Variants in CSMD1 observed in about 807,000 individuals in gnomAD.
CSMD1 encodes CUB and Sushi multiple domains 1.
CSMD1 carries 213 observed loss-of-function variants against 417.5 expected under a neutral mutation model. That is an observed-to-expected ratio of 0.51 (90% CI 0.46 to 0.57). The LOEUF (loss-of-function observed/expected upper bound fraction) is 0.57, where lower values mean the gene tolerates loss of function less well. Ranked by LOEUF, CSMD1 falls within the 20% of genes least tolerant of loss-of-function variation. CSMD1 has a pLI of 0.00. For missense variants in CSMD1, 6,923 were observed against 4,529.7 expected, an observed-to-expected ratio of 1.53 and a Z score of -15.17; for synonymous variants, 2,862 against 1,736.8, an observed-to-expected ratio of 1.65 and a Z score of -16.11.
intron 26 of CSMD1, among the ~76,000 whole-genome samples, chr8:3,243,156 A>G (rs1039805225): frequency 1.3e-5 from 2 of 152,142 alleles, no homozygotes; most frequent in Non-Finnish European, 2.9e-5. Flanking sequence ...TGGAGAAGAG[A>G]GTAAGAGGCC....
intron 26 of CSMD1, among the ~76,000 whole-genome samples, chr8:3,281,870 C>G (rs536780880): frequency 1.0e-3 from 156 of 152,236 alleles, no homozygotes; most frequent in African/African-American, 3.7e-3. Flanking sequence ...GGGGTAGTTT[C>G]TAATGGTTTA....
In CSMD1 at chr8:3,142,480, T is replaced by C; in HGVS notation, c.6226A>G (p.Lys2076Glu). The C allele has an allele frequency of 6.2e-7, 1 of 1,613,716 alleles. No individual in the cohort carries two copies. Among genetic ancestry groups the C allele is most frequent in the Non-Finnish European group, 8.5e-7 (1 of 1,179,680 alleles). ...SDHSQNRQGF[K>E]LAYQAYELQN... ...TGTTCCATACCTTGGTAAGCAAGTTTAAATCCTTGCCGGTTTTGCGAATGG... is the reference window on the plus strand; with the variant it reads ...TGTTCCATACCTTGGTAAGCAAGTTCAAATCCTTGCCGGTTTTGCGAATGG... Residue 2076 changes from lysine to glutamate, a missense_variant, in exon 41 of 70, where the codon AAA becomes GAA. Transcript: ENST00000635120.
At chr8:3,516,814 C>A (rs188010456) in intron 10 of CSMD1, among the ~76,000 whole-genome samples, 1 of 152,074 alleles carries the variant, frequency 6.6e-6, no homozygotes, top group Admixed American at 6.6e-5. Flanking sequence ...CCAACAATCC[C>A]ATCGCTGAGT....
In CSMD1 at chr8:3,753,938, T is replaced by A. The variant is rs1465721830; in HGVS notation, c.923A>T (p.Gln308Leu). Residue 308 changes from glutamine (Q) to leucine (L), a missense_variant, in exon 6 of 70, where the codon CAG becomes CTG. Physicochemically the swap from Gln to Leu is moderately radical, Grantham distance 113 (BLOSUM62 -2). Coordinates refer to ENST00000635120, the MANE Select transcript of CSMD1 (RefSeq NM_033225.6). ...AGATGGAGCATCCTTACCTTGGAAC[T>A]GAGCGTTAAATCCTTTGCGTCGGTG... is the stretch of plus-strand genomic sequence containing the variant. ...SNHRRKGFNA[Q>L]FQVKKAIELK... The A allele has an allele frequency of 5.6e-6, 9 of 1,608,264 alleles. No homozygotes were observed. The highest frequency in any genetic ancestry group is 6.8e-6 in the Non-Finnish European group (8 of 1,175,214).
Position 4,266,386 on chromosome 8 carries a change from A to G in CSMD1, c.415+153567T>C, listed in dbSNP as rs1183291011. Among the ~76,000 whole-genome samples the G allele has an allele frequency of 6.6e-5, 7 of 105,612 alleles. 1 individual carries two copies. The highest frequency in any genetic ancestry group is 1.3e-4 in the Non-Finnish European group (5 of 39,266). The allele number at this position is 105,612 out of a possible 152,430, so 69.3% of individuals were successfully genotyped here. On this transcript the variant is annotated intron_variant, in intron 3 of 69. Transcript: ENST00000635120. ...TATTTTCAAGAATATATTTGAAAAT[A>G]TTAATATAGTTCATTTTATGTGTAA...
intron 1 of CSMD1, among the ~76,000 whole-genome samples, chr8:4,782,862 A>G (rs1284672953): frequency 1.3e-5 from 2 of 152,098 alleles, no homozygotes; most frequent in Non-Finnish European, 2.9e-5. Context: ...TTTTCAATAA[A>G]TGCTAAAAGC....
chr8:3,447,787 G>C (rs1815394224), intron 12 of CSMD1, among the ~76,000 whole-genome samples: 1 of 152,206 alleles, frequency 6.6e-6, no homozygotes, highest in South Asian at 2.1e-4. Flanking sequence ...GCAGTGGATG[G>C]AGGGTGCAGA....
chr8:3,395,149 G>A (rs1320767255), intron 17 of CSMD1, among the ~76,000 whole-genome samples: 2 of 152,132 alleles, frequency 1.3e-5, no homozygotes, highest in Admixed American at 6.6e-5. Flanking sequence ...TAGTAGACAT[G>A]ATTCTATGCA....
At chr8:4,792,438 A>C (rs1797742899) in intron 1 of CSMD1, among the ~76,000 whole-genome samples, 1 of 152,210 alleles carries the variant, frequency 6.6e-6, no homozygotes, top group Non-Finnish European at 1.5e-5. Flanking sequence ...ACAGCCAATC[A>C]GTCTATCTTT....
intron 23 of CSMD1, among the ~76,000 whole-genome samples, chr8:3,334,227 T>C (rs1239918702): frequency 1.3e-5 from 2 of 152,216 alleles, no homozygotes; most frequent in Non-Finnish European, 1.5e-5. Flanking sequence ...CAACGCATAA[T>C]TTCAGGGACT....
chr8:2,957,669 G>C, intron 63 of CSMD1, 27 bp downstream of exon 63: 2 of 1,363,548 alleles, frequency 1.5e-6, no homozygotes, highest in African/African-American at 1.4e-5. Flanking sequence ...GGTGACTTGT[G>C]ATGGGGGTGG....
chr8:4,464,975 G>A (rs1056755996), intron 2 of CSMD1, among the ~76,000 whole-genome samples: 1 of 152,100 alleles, frequency 6.6e-6, no homozygotes, highest in Non-Finnish European at 1.5e-5. Flanking sequence ...GATGCCACCA[G>A]AATGACTTCT....
chr8:3,311,190 C>G (rs780191280), intron 23 of CSMD1, among the ~76,000 whole-genome samples: 1 of 152,158 alleles, frequency 6.6e-6, no homozygotes, highest in Non-Finnish European at 1.5e-5. Context: ...TCATCTAGCA[C>G]AAAGCCTATT....
At chr8:3,745,699 C>T (rs1033688213) in intron 6 of CSMD1, among the ~76,000 whole-genome samples, 5 of 152,190 alleles carry the variant, frequency 3.3e-5, no homozygotes, top group African/African-American at 1.2e-4. Flanking sequence ...GGAGTAAGGA[C>T]GTTAACCTCC....
At chr8:4,118,133 G>A (rs974472479) in intron 3 of CSMD1, among the ~76,000 whole-genome samples, 12 of 152,086 alleles carry the variant, frequency 7.9e-5, no homozygotes, top group African/African-American at 2.7e-4. Flanking sequence ...GTGAGGAAAC[G>A]GCCCTTGGCA....
intron 69 of CSMD1, among the ~76,000 whole-genome samples, chr8:2,940,573 C>T (rs1411415114): frequency 1.3e-5 from 2 of 152,160 alleles, no homozygotes; most frequent in Admixed American, 1.3e-4. Flanking sequence ...ACGGAGACAC[C>T]CAACTACTCA....
chr8:4,755,582 G>T (rs911811300), intron 1 of CSMD1, among the ~76,000 whole-genome samples: 1 of 152,050 alleles, frequency 6.6e-6, no homozygotes, highest in African/African-American at 2.4e-5. Flanking sequence ...ATGTTCTACT[G>T]TCACGTTGAT....
At chr8:3,319,946 A>AG (rs1271890486) in intron 23 of CSMD1, among the ~76,000 whole-genome samples, 1 of 152,156 alleles carries the variant, frequency 6.6e-6, no homozygotes, top group Non-Finnish European at 1.5e-5. Context: ...GCTCTGGTTA[A>AG]TTTATTGTTA....
chr8:4,894,859 T>G (rs1412168741), intron 1 of CSMD1, among the ~76,000 whole-genome samples: 1 of 152,128 alleles, frequency 6.6e-6, no homozygotes, highest in Non-Finnish European at 1.5e-5. Flanking sequence ...AGGTTCTCTG[T>G]GTGACTTTAT....
Sources: gnomAD v4.1 joint callset for allele counts (sites outside exome capture counted in the v4.1 genomes callset) on GRCh38, gnomAD v4.1.1 for gene constraint, MANE v1.5 for transcripts, NCBI Gene and HGNC (gene_info 2026-07-23, HGNC 2026-07-21) for gene names.